The following MERTK variants were observed in gnomAD, a reference collection of about 807,000 sequenced individuals.
MERTK encodes the protein MER proto-oncogene, tyrosine kinase, also known as tyrosine-protein kinase Mer.
In MERTK, 69 loss-of-function variants were observed where a neutral mutation model predicts 99.3. That is an observed-to-expected ratio of 0.70 (90% CI 0.57 to 0.85). MERTK has a LOEUF of 0.85. Among genes scored for constraint, MERTK ranks in the 40% least tolerant of loss-of-function variants. The probability of loss-of-function intolerance (pLI) is 0.00; values close to 1 mark genes in which losing one functional copy is unlikely to be tolerated. For synonymous variants in MERTK, 426 were observed against 467.6 expected, an observed-to-expected ratio of 0.91 and a Z score of 1.15; for missense variants, 1,125 against 1,249.4, an observed-to-expected ratio of 0.90 and a Z score of 1.50.
chr2:111,914,205 A>G (rs1684306420), intron 1 of MERTK, among the ~76,000 whole-genome samples: 1 of 149,048 alleles, frequency 6.7e-6, no homozygotes, highest in African/African-American at 2.5e-5. Context: ...CCCAGGTTCA[A>G]GTGATTCTCC....
intron 1 of MERTK, among the ~76,000 whole-genome samples, chr2:111,919,409 C>T (rs528541537): frequency 3.3e-5 from 5 of 151,860 alleles, no homozygotes; most frequent in Non-Finnish European, 5.9e-5. Flanking sequence ...AAATTCAAGC[C>T]CTGGGTGGGA....
chr2:112,019,947 G>T (rs1677301763), intron 16 of MERTK, among the ~76,000 whole-genome samples: 1 of 152,238 alleles, frequency 6.6e-6, no homozygotes, highest in Non-Finnish European at 1.5e-5. Context: ...ATACATGGAA[G>T]CTGTCCTTTC....
At chr2:111,922,459 A>G (rs1684477617) in intron 1 of MERTK, among the ~76,000 whole-genome samples, 1 of 152,154 alleles carries the variant, frequency 6.6e-6, no homozygotes, top group African/African-American at 2.4e-5. Flanking sequence ...CATGGCTGGC[A>G]ATTATATTAC....
chr2:111,912,063 T>C (rs10177535), intron 1 of MERTK, among the ~76,000 whole-genome samples: 147,881 of 151,790 alleles, frequency 0.97, 72,158 homozygotes, highest in Middle Eastern at 1. Context: ...AGTGCAGTGG[T>C]GCGATCTCGG....
At chr2:111,967,985 A>G (rs1179695137) in intron 5 of MERTK, 152 bp from the exon 6 acceptor site, 1 of 689,206 alleles carries the variant, frequency 1.5e-6, no homozygotes, top group Admixed American at 2.0e-5. Flanking sequence ...AATTACCCTC[A>G]GGCATAGGGA....
intron 5 of MERTK, among the ~76,000 whole-genome samples, chr2:111,966,378 C>T (rs1206854560): frequency 6.6e-6 from 1 of 152,138 alleles, no homozygotes; most frequent in African/African-American, 2.4e-5. Flanking sequence ...AATAACCAAA[C>T]TAAAAGTTAT....
At chr2:112,007,149 A>G (rs992530142) in intron 13 of MERTK, among the ~76,000 whole-genome samples, 3 of 151,976 alleles carry the variant, frequency 2.0e-5, no homozygotes, top group African/African-American at 7.3e-5. Flanking sequence ...CCATCTCCAA[A>G]ACTTTTCTTT....
At chr2:111,976,522 CTGTG>C (rs70962971) in intron 7 of MERTK, among the ~76,000 whole-genome samples, 13,518 of 136,572 alleles carry the variant, frequency 0.099, 704 homozygotes, top group South Asian at 0.16. Flanking sequence ...TGACAAAAAC[CTGTG>C]TGTGTGTGTG....
chr2:111,967,509 C>T (rs143070013), intron 5 of MERTK, among the ~76,000 whole-genome samples: 1 of 152,222 alleles, frequency 6.6e-6, no homozygotes, highest in East Asian at 1.9e-4. Flanking sequence ...CATCTGTTTC[C>T]AAGGTCATAG....
At chr2:111,944,415 AGAGAGAAAGAGG>A (rs1558781375) in intron 2 of MERTK, among the ~76,000 whole-genome samples, 1 of 1,872 alleles carries the variant, frequency 5.3e-4, no homozygotes, top group Non-Finnish European at 7.1e-4. Context: ...ATCTAGAAAG[AGAGAGAAAGAGG>A]AATTATTTTA....
Position 112,029,190 on chromosome 2 carries a change from T to C in MERTK, c.*326T>C. 1 of 1,014,140 alleles carries C rather than the reference T, an allele frequency of 9.9e-7. No individual in the cohort carries two copies. The highest frequency in any genetic ancestry group is 1.2e-6 in the Non-Finnish European group (1 of 844,594). 62.8% of individuals were successfully genotyped at this position (1,014,140 alleles called of 1,614,324 possible). ...CATTTGTACAGAGTTGAAGTTGTTTTTTCAAGTTCTTTTCTTTTTCATGAC... is the reference window on the plus strand; with the variant it reads ...CATTTGTACAGAGTTGAAGTTGTTTCTTCAAGTTCTTTTCTTTTTCATGAC... On this transcript the variant is annotated 3_prime_UTR_variant, in exon 19 of 19. Coordinates refer to ENST00000295408, the MANE Select transcript of MERTK (RefSeq NM_006343.3).
rs548738326 is a variant in MERTK, at chr2:111,936,112, T to A, written c.482+6572T>A. On this transcript the variant is annotated intron_variant, in intron 2 of 18. Transcript: ENST00000295408. ...TTTGTATTTTTAGTAGAGACAGAGT[T>A]TCATGGTGTTAGCCAGGATGGTCTT... 1.4e-3 allele frequency among the ~76,000 whole-genome samples: 216 copies of A among 152,222 alleles called. 2 individuals carry two copies. The highest frequency in any genetic ancestry group is 4.6e-3 in the African/African-American group (193 of 41,534).
chr2:111,940,605 T>C (rs878891439), intron 2 of MERTK: 5 of 656,906 alleles, frequency 7.6e-6, no homozygotes, highest in Admixed American at 1.8e-5. Flanking sequence ...CATCATGACA[T>C]TGAACCTGAA....
intron 4 of MERTK, among the ~76,000 whole-genome samples, chr2:111,953,601 A>G (rs1172914474): frequency 1.3e-5 from 2 of 151,758 alleles, no homozygotes; most frequent in Non-Finnish European, 2.9e-5. Context: ...TTTGAGATGC[A>G]GTTTTGCTCT....
chr2:111,904,233 C>G (rs1242438167), intron 1 of MERTK, among the ~76,000 whole-genome samples: 1 of 152,178 alleles, frequency 6.6e-6, no homozygotes, highest in South Asian at 2.1e-4. Flanking sequence ...ATGTGCCTCT[C>G]AGGAAGGTAT....
intron 8 of MERTK, among the ~76,000 whole-genome samples, chr2:111,987,342 A>G (rs535287738): frequency 5.4e-4 from 83 of 152,302 alleles, no homozygotes; most frequent in African/African-American, 2.0e-3. Context: ...GATATTTATT[A>G]TATCTCAAAC....
chr2:111,911,627 G>A (rs1443784020), intron 1 of MERTK, among the ~76,000 whole-genome samples: 2 of 147,178 alleles, frequency 1.4e-5, no homozygotes, highest in African/African-American at 5.0e-5. Context: ...GACCTCCAGT[G>A]TGATCTGCCC....
chr2:111,940,354 G>T, intron 2 of MERTK: 1 of 522,164 alleles, frequency 1.9e-6, no homozygotes, highest in Non-Finnish European at 3.8e-6. Flanking sequence ...AGCAATAATT[G>T]CCTGAACAGC....
chr2:111,949,813 A>G (rs1685024211), intron 4 of MERTK, among the ~76,000 whole-genome samples: 1 of 152,218 alleles, frequency 6.6e-6, no homozygotes, highest in Non-Finnish European at 1.5e-5. Flanking sequence ...CCTGTTCTTG[A>G]ACTTCAAAAA....
Sources: gnomAD v4.1 joint callset for allele counts (sites outside exome capture counted in the v4.1 genomes callset) on GRCh38, gnomAD v4.1.1 for gene constraint, MANE v1.5 for transcripts, NCBI Gene and HGNC (gene_info 2026-07-23, HGNC 2026-07-21) for gene names.